GPM6A: variants seen among roughly 807,000 people sequenced by gnomAD.
The protein encoded by GPM6A is neuronal membrane glycoprotein M6-a.
In GPM6A, 7 loss-of-function variants were observed where a neutral mutation model predicts 32.1. That is an observed-to-expected ratio of 0.22 (90% CI 0.12 to 0.41). The LOEUF is 0.41. Among genes scored for constraint, GPM6A ranks in the 10% least tolerant of loss-of-function variants. The probability of loss-of-function intolerance (pLI) is 1.00; values close to 1 mark genes in which losing one functional copy is unlikely to be tolerated. For missense variants in GPM6A, 235 were observed against 347.2 expected (o/e 0.68, Z 2.57); for synonymous variants, 130 against 123.4 (o/e 1.05, Z -0.35).
At chr4:175,670,105 C>A (rs1285387123) in intron 3 of GPM6A, among the ~76,000 whole-genome samples, 1 of 152,138 alleles carries the variant, frequency 6.6e-6, no homozygotes, top group East Asian at 1.9e-4. Flanking sequence ...CACTTTATAG[C>A]ACTTTGTTGT....
intron 1 of GPM6A, among the ~76,000 whole-genome samples, chr4:175,730,322 C>T (rs931985217): frequency 6.7e-6 from 1 of 148,736 alleles, no homozygotes; most frequent in African/African-American, 2.5e-5. Context: ...AGCTCCCTGC[C>T]ACCTCTGCCT....
intron 1 of GPM6A, among the ~76,000 whole-genome samples, chr4:175,975,409 G>A (rs1413201992): frequency 1.3e-5 from 2 of 152,118 alleles, no homozygotes; most frequent in African/African-American, 4.8e-5. Context: ...CCATTAGCCT[G>A]TAAACATCTG....
At chr4:175,668,519 A>ATATGTGTGTGTGTGTGTGTGTGTGTG (rs1742873600) in intron 3 of GPM6A, among the ~76,000 whole-genome samples, 1 of 139,236 alleles carries the variant, frequency 7.2e-6, no homozygotes, top group Admixed American at 7.6e-5. Flanking sequence ...TCAAACGTTT[A>ATATGTGTGTGTGTGTGTGTGTGTGTG]TGTGTGTGTG....
intron 1 of GPM6A, among the ~76,000 whole-genome samples, chr4:175,981,479 C>T (rs975892721): frequency 2.0e-5 from 3 of 152,142 alleles, no homozygotes; most frequent in African/African-American, 7.2e-5. Context: ...GAGAGTGTCA[C>T]ATAAATTGAT....
intron 1 of GPM6A, among the ~76,000 whole-genome samples, chr4:175,745,137 A>C (rs890197951): frequency 6.6e-5 from 10 of 152,280 alleles, no homozygotes; most frequent in East Asian, 1.9e-4. Flanking sequence ...CAGAAAAAAA[A>C]CATGAAATAC....
At chr4:175,660,476 ATATAT>A (rs1387548469) in intron 3 of GPM6A, among the ~76,000 whole-genome samples, 1 of 152,180 alleles carries the variant, frequency 6.6e-6, no homozygotes, top group Non-Finnish European at 1.5e-5. Context: ...GAAAATTTTA[ATATAT>A]TATGTGAAAA....
chr4:175,710,132 T>G (rs1240071299), intron 1 of GPM6A, among the ~76,000 whole-genome samples: 1 of 152,186 alleles, frequency 6.6e-6, no homozygotes, highest in Non-Finnish European at 1.5e-5. Flanking sequence ...TTTCCAACAT[T>G]ATTATTCTTT....
At chr4:175,828,208 A>G (rs987303546) in intron 1 of GPM6A, among the ~76,000 whole-genome samples, 2 of 152,158 alleles carry the variant, frequency 1.3e-5, no homozygotes, top group African/African-American at 4.8e-5. Flanking sequence ...TGCCAAAACA[A>G]ATTTTATCAC....
intron 1 of GPM6A, among the ~76,000 whole-genome samples, chr4:175,728,003 C>CAAA (rs36001392): frequency 5.2e-5 from 5 of 97,040 alleles, no homozygotes; most frequent in Admixed American, 2.4e-4. Context: ...GACTCCGTTT[C>CAAA]AAAAAAAAAA....
At chr4:175,954,914 G>A (rs1739936238) in intron 1 of GPM6A, among the ~76,000 whole-genome samples, 2 of 152,208 alleles carry the variant, frequency 1.3e-5, no homozygotes, top group South Asian at 4.1e-4. Context: ...GTGCTGAGAA[G>A]GTACTACAGG....
At chr4:175,951,500 C>T (rs78906941) in intron 1 of GPM6A, among the ~76,000 whole-genome samples, 15,477 of 152,050 alleles carry the variant, frequency 0.1, 854 homozygotes, top group South Asian at 0.24. Flanking sequence ...CCTCTGACGG[C>T]GAAATAATCT....
chr4:175,996,902 T>A (rs1046750060), intron 1 of GPM6A, among the ~76,000 whole-genome samples: 5 of 152,076 alleles, frequency 3.3e-5, no homozygotes, highest in African/African-American at 1.2e-4. Flanking sequence ...AAAAGCGATG[T>A]CCTGGGATTT....
intron 1 of GPM6A, among the ~76,000 whole-genome samples, chr4:175,731,848 C>T (rs1351020545): frequency 6.6e-6 from 1 of 152,128 alleles, no homozygotes; most frequent in Non-Finnish European, 1.5e-5. Flanking sequence ...AGCCTTGCCG[C>T]TCCTCATGCA....
intron 1 of GPM6A, among the ~76,000 whole-genome samples, chr4:175,885,233 A>G (rs1737413764): frequency 6.6e-6 from 1 of 152,234 alleles, no homozygotes; most frequent in Non-Finnish European, 1.5e-5. Flanking sequence ...AACAAAATGG[A>G]TGAGTCTCAC....
intron 1 of GPM6A, among the ~76,000 whole-genome samples, chr4:175,955,490 T>G (rs1739955875): frequency 6.6e-6 from 1 of 152,162 alleles, no homozygotes; most frequent in Admixed American, 6.5e-5. Flanking sequence ...GCATTAAAAA[T>G]AGTGTCCAGT....
chr4:175,873,482 C>T (rs1436040913), intron 1 of GPM6A, among the ~76,000 whole-genome samples: 1 of 151,944 alleles, frequency 6.6e-6, no homozygotes, highest in African/African-American at 2.4e-5. Context: ...ATTATATTTT[C>T]CACAAATCAA....
rs879647429 is a variant in GPM6A at position 175,838,096 on chromosome 4, CACACACACACACACAG to C, written c.-22-25863_-22-25848del. ...TTCAGTAGGCCTTGGTTAAAACACA[CACACACACACACACAG>C]ACACACACACACACACACACACACA... On this transcript the variant is annotated intron_variant, in intron 1 of 7. Coordinates refer to the GPM6A transcript ENST00000280187. Among the ~76,000 whole-genome samples, 591 of 79,308 alleles carry C rather than the reference CACACACACACACACAG, an allele frequency of 7.5e-3. 4 individuals are homozygous for C. The highest frequency in any genetic ancestry group is 8.4e-3 in the Non-Finnish European group (344 of 40,918). The allele number at this position is 79,308 out of a possible 152,430, so 52.0% of individuals were successfully genotyped here. A position where few individuals can be genotyped will look rare whatever the true frequency, so the allele number is the denominator to read the frequency against.
At chr4:175,748,225 G>A (rs1732185211) in intron 1 of GPM6A, among the ~76,000 whole-genome samples, 1 of 152,102 alleles carries the variant, frequency 6.6e-6, no homozygotes, top group South Asian at 2.1e-4. Flanking sequence ...CTCCTACCGT[G>A]AATAATGAAA....
intron 1 of GPM6A, among the ~76,000 whole-genome samples, chr4:175,752,003 TC>T (rs565334537): frequency 1.0e-3 from 157 of 152,274 alleles, no homozygotes; most frequent in Admixed American, 9.7e-3. Flanking sequence ...AGCTCCTTCT[TC>T]CCTGGCATTT....
Sources: allele counts gnomAD v4.1 joint callset (sites outside exome capture counted in the v4.1 genomes callset), GRCh38; gene constraint gnomAD v4.1.1; transcripts MANE v1.5; gene names NCBI Gene and HGNC (gene_info 2026-07-23, HGNC 2026-07-21).